NIPBL: variants seen among roughly 807,000 people sequenced by gnomAD.
The protein encoded by NIPBL is NIPBL cohesin loading factor.
Under a neutral mutation model 321.8 loss-of-function variants are expected in NIPBL, and 19 were observed. The ratio of observed to expected loss-of-function variants is 0.06; its 90% CI spans 0.04 to 0.09. The LOEUF (loss-of-function observed/expected upper bound fraction) is 0.09. Among genes scored for constraint, NIPBL ranks in the 10% least tolerant of loss-of-function variants. The pLI is 1.00. For synonymous variants in NIPBL, 1,106 were observed against 1,114.1 expected (o/e 0.99, Z 0.14); for missense variants, 2,210 against 3,327.0 (o/e 0.66, Z 8.26).
chr5:36,907,088 G>A (rs915329125), intron 1 of NIPBL, among the ~76,000 whole-genome samples: 1 of 152,124 alleles, frequency 6.6e-6, no homozygotes, highest in Non-Finnish European at 1.5e-5. Flanking sequence ...AGTTTTAAAA[G>A]CAATGCTCTG....
intron 12 of NIPBL, 68 bp from the exon 13 acceptor site, chr5:37,000,749 A>G (rs1746698435): frequency 7.0e-7 from 1 of 1,431,724 alleles, no homozygotes; most frequent in Non-Finnish European, 9.8e-7. Context: ...GAAAAAAACT[A>G]GAAACAAAAA....
At chr5:36,980,740 G>A (rs144901876) in intron 9 of NIPBL, among the ~76,000 whole-genome samples, 5 of 151,658 alleles carry the variant, frequency 3.3e-5, no homozygotes, top group East Asian at 1.9e-4. Context: ...AATGCATTTC[G>A]CAGAATGTAT....
intron 7 of NIPBL, among the ~76,000 whole-genome samples, chr5:36,971,377 G>C (rs2149620737): frequency 6.6e-6 from 1 of 151,616 alleles, no homozygotes; most frequent in African/African-American, 2.4e-5. Context: ...TGAGGTTTAG[G>C]TTCTTAATGA....
rs587783929 is a variant in NIPBL at position 37,001,030 on chromosome 5, A to G, written c.3616A>G (p.Ile1206Val). 8.7e-6 allele frequency: 14 copies of G among 1,612,018 alleles called. No homozygotes were observed. The highest frequency in any genetic ancestry group is 1.2e-5 in the Non-Finnish European group (14 of 1,178,836). The stretch of plus-strand genomic sequence containing the variant: ...AACTTTTAAGAGATTCACAGCCTCA[A>G]TAGAGAATATTTTGGATAATTTGGA... ...SSTFKRFTAS[I>V]ENILDNLEDM... The change falls in exon 14 of 47, where the codon ATA (isoleucine) becomes GTA (valine). Residue 1206 changes from isoleucine to valine, a missense_variant. By Grantham distance (29) the Ile-to-Val change is conservative. Transcript: ENST00000282516.
chr5:37,045,630 CAT>C (rs775458167), intron 37 of NIPBL, 33 bp downstream of exon 37: 65 of 1,601,428 alleles, frequency 4.1e-5, no homozygotes, highest in Non-Finnish European at 5.1e-5. Context: ...TGCTATAAAA[CAT>C]AGAGCTATAT....
chr5:36,935,789 AAG>A (rs1284914864), intron 1 of NIPBL, among the ~76,000 whole-genome samples: 1 of 152,068 alleles, frequency 6.6e-6, no homozygotes, highest in Non-Finnish European at 1.5e-5. Context: ...GGCTCTAGGA[AAG>A]AGTCTTTCCT....
In NIPBL at chr5:37,065,062, C is replaced by A; in HGVS notation, c.*170C>A. On this transcript the variant is annotated 3_prime_UTR_variant, in exon 47 of 47. Coordinates refer to ENST00000282516, the MANE Select transcript of NIPBL (RefSeq NM_133433.4). ...CAAACATTTTTGTGGGAGCTCCCTT[C>A]GCTGTTGTGCAGCAGAAACAGATTC... 1 of 709,364 alleles carries A rather than the reference C, an allele frequency of 1.4e-6. No individual in the cohort carries two copies. The highest frequency in any genetic ancestry group is 2.7e-5 in the East Asian group (1 of 37,102). 43.9% of individuals were successfully genotyped at this position (709,364 alleles called of 1,614,324 possible).
intron 4 of NIPBL, 99 bp from the exon 5 acceptor site, chr5:36,961,385 A>G: frequency 1.0e-5 from 8 of 788,162 alleles, no homozygotes; most frequent in Non-Finnish European, 1.8e-5. Context: ...TGATCAAAAA[A>G]ATCTCTGGAA....
intron 40 of NIPBL, among the ~76,000 whole-genome samples, chr5:37,049,907 C>A (rs150883528): frequency 8.7e-4 from 133 of 152,234 alleles, no homozygotes; most frequent in African/African-American, 2.9e-3. Flanking sequence ...AGTCTATACC[C>A]TTCAAGATTT....
intron 1 of NIPBL, among the ~76,000 whole-genome samples, chr5:36,926,284 A>G (rs1167061050): frequency 1.3e-5 from 2 of 152,168 alleles, no homozygotes; most frequent in Non-Finnish European, 2.9e-5. Context: ...CCATTTTCCT[A>G]TGTCTCACGA....
intron 32 of NIPBL, among the ~76,000 whole-genome samples, chr5:37,035,232 C>T (rs1054085084): frequency 6.6e-6 from 1 of 152,222 alleles, no homozygotes; most frequent in Non-Finnish European, 1.5e-5. Flanking sequence ...GATTGTGCCA[C>T]TGCACTCCAG....
At chr5:36,900,967 A>G (rs1747159450) in intron 1 of NIPBL, among the ~76,000 whole-genome samples, 1 of 151,678 alleles carries the variant, frequency 6.6e-6, no homozygotes, top group South Asian at 2.1e-4. Flanking sequence ...TTTATTTTAG[A>G]TTCCAGGGGG....
Position 37,022,347 on chromosome 5 carries a change from A to G in NIPBL, c.5531A>G (p.Gln1844Arg), listed in dbSNP as rs757982626. 6.2e-7 allele frequency: 1 copy of G among 1,613,930 alleles called. No individual in the cohort carries two copies. The highest frequency in any genetic ancestry group is 8.5e-7 in the Non-Finnish European group (1 of 1,179,938). The change falls in exon 29 of 47, where the codon CAG (glutamine) becomes CGG (arginine). Residue 1844 changes from glutamine (Q) to arginine (R), a missense_variant. Gln to Arg is a conservative substitution (Grantham distance 43, BLOSUM62 1). Coordinates refer to ENST00000282516, the MANE Select transcript of NIPBL (RefSeq NM_133433.4). ...LLGRFVLCRP[Q>R]LAEQYYDMLI... Reference sequence around the variant, plus strand: ...GGTCGATTTGTCCTTTGTCGACCTCAGCTTGCTGAACAGTATTATGATATG... The same window carrying G: ...GGTCGATTTGTCCTTTGTCGACCTCGGCTTGCTGAACAGTATTATGATATG...
intron 21 of NIPBL, among the ~76,000 whole-genome samples, chr5:37,014,226 G>GGGAGAGGGAGAGGGAGAA (rs1000940629): frequency 2.0e-5 from 3 of 146,500 alleles, no homozygotes; most frequent in African/African-American, 4.9e-5. Flanking sequence ...ACCGTGGAGA[G>GGGAGAGGGAGAGGGAGAA]GGAGAGGGAG....
At chr5:36,887,368 T>TA (rs1273094131) in intron 1 of NIPBL, among the ~76,000 whole-genome samples, 13 of 152,194 alleles carry the variant, frequency 8.5e-5, no homozygotes, top group Non-Finnish European at 1.2e-4. Flanking sequence ...AAGTTGGTGC[T>TA]AAAAAAAGAG....
intron 2 of NIPBL, 115 bp downstream of exon 2, chr5:36,953,875 A>C (rs1740662234): frequency 1.1e-6 from 1 of 892,306 alleles, no homozygotes; most frequent in Non-Finnish European, 1.8e-6. Context: ...AGAAATAGCA[A>C]CTGAAACTGC....
rs112698431 is a variant in NIPBL, at chr5:37,026,894, T to C, written c.5809-465T>C. Reference sequence around the variant, plus strand: ...GCACTACACTCCAGCCTGGGCAATATAATAGCAAGATCCCTTCTCAAAAAA... The same window carrying C: ...GCACTACACTCCAGCCTGGGCAATACAATAGCAAGATCCCTTCTCAAAAAA... On this transcript the variant is annotated intron_variant, in intron 31 of 46. Transcript: ENST00000282516. Among the ~76,000 whole-genome samples, 25 of 148,592 alleles carry C rather than the reference T, an allele frequency of 1.7e-4. 1 individual carries two copies. Among genetic ancestry groups the C allele is most frequent in the African/African-American group, 5.9e-4 (24 of 40,406 alleles).
intron 1 of NIPBL, among the ~76,000 whole-genome samples, chr5:36,919,104 C>G (rs1307182074): frequency 1.3e-5 from 2 of 152,024 alleles, no homozygotes; most frequent in African/African-American, 4.8e-5. Context: ...GGAATGGTAC[C>G]AGCTCCTCCT....
At chr5:36,981,480 A>G (rs576031705) in intron 9 of NIPBL, among the ~76,000 whole-genome samples, 1 of 151,804 alleles carries the variant, frequency 6.6e-6, no homozygotes, top group South Asian at 2.1e-4. Flanking sequence ...AGTTCTGTAT[A>G]TACGTTGATA....
Sources: allele counts gnomAD v4.1 joint callset (sites outside exome capture counted in the v4.1 genomes callset), GRCh38; gene constraint gnomAD v4.1.1; transcripts MANE v1.5; gene names NCBI Gene and HGNC (gene_info 2026-07-23, HGNC 2026-07-21).